Variants in UTRN observed in about 807,000 individuals in gnomAD.
UTRN encodes dystrophin-related protein 1.
Under a neutral mutation model 463.9 loss-of-function variants are expected in UTRN, and 283 were observed. That is an observed-to-expected ratio of 0.61 (90% CI 0.55 to 0.67). UTRN has a LOEUF of 0.67. UTRN is among the 30% of genes least tolerant of loss of function. UTRN has a pLI of 0.00. For synonymous variants in UTRN, 1,442 were observed against 1,431.5 expected (o/e 1.01, Z -0.17); for missense variants, 3,922 against 4,084.3 (o/e 0.96, Z 1.08).
chr6:144,834,512 A>T (rs949229679), intron 69 of UTRN, among the ~76,000 whole-genome samples: 1 of 151,676 alleles, frequency 6.6e-6, no homozygotes, highest in Non-Finnish European at 1.5e-5. Flanking sequence ...GGAATTCACC[A>T]ACTGTCTGAT....
chr6:144,785,483 T>C (rs1292945133), intron 61 of UTRN, among the ~76,000 whole-genome samples: 1 of 152,228 alleles, frequency 6.6e-6, no homozygotes, highest in Admixed American at 6.5e-5. Flanking sequence ...GTTCAGTCTT[T>C]TGATAATCAT....
At position 144,839,251 on chromosome 6, in the gene UTRN, C is replaced by T; in HGVS notation, c.10144C>T (p.Pro3382Ser). Reference sequence around the variant, plus strand: ...TTCTGCACTGAGCTACTCGCTTGATCCAGATGCCTCCGGCCCACAGTTCCA... The same window carrying T: ...TTCTGCACTGAGCTACTCGCTTGATTCAGATGCCTCCGGCCCACAGTTCCA... ...QHSALSYSLD[P>S]DASGPQFHQA... is the part of the protein sequence containing the mutation. Residue 3382 changes from proline to serine, a missense_variant, in exon 72 of 75, where the codon CCA (proline) becomes TCA (serine). Coordinates refer to ENST00000367545, the MANE Select transcript of UTRN (RefSeq NM_007124.3). 2 of 1,613,940 alleles carry T rather than the reference C, an allele frequency of 1.2e-6. No individual in the cohort carries two copies. Among genetic ancestry groups the T allele is most frequent in the Non-Finnish European group, 1.7e-6 (2 of 1,179,954 alleles).
Position 144,781,956 on chromosome 6 carries a change from T to G in UTRN, c.8667T>G (p.Ile2889Met). 6.2e-7 allele frequency: 1 copy of G among 1,614,014 alleles called. No homozygotes were observed. The highest frequency in any genetic ancestry group is 8.5e-7 in the Non-Finnish European group (1 of 1,179,964). Residue 2889 changes from isoleucine (I) to methionine (M), a missense_variant, in exon 61 of 75, where the codon ATT (isoleucine) becomes ATG (methionine). This residue lies in a region of UTRN where 1,309 missense variants were observed against 1,452.6 expected (regional missense o/e 0.90). Transcript: ENST00000367545. ...TAGAGTTGAGTACAACAAATGAAAT[T>G]TTCAAACAGCACAAGTTGAACCAAA... ...DLLELSTTNE[I>M]FKQHKLNQND... is the part of the protein sequence containing the mutation.
chr6:144,707,231 C>T (rs535416550), intron 53 of UTRN, among the ~76,000 whole-genome samples: 20 of 152,016 alleles, frequency 1.3e-4, no homozygotes, highest in Non-Finnish European at 2.1e-4. Flanking sequence ...ATTTTTTTCA[C>T]CCCAAGAACC....
At chr6:144,489,868 C>T (rs762241258) in intron 30 of UTRN, among the ~76,000 whole-genome samples, 1 of 152,102 alleles carries the variant, frequency 6.6e-6, no homozygotes. Flanking sequence ...GATCCACCCG[C>T]CTCGGCCTCC....
At position 144,479,188 on chromosome 6, in the gene UTRN, G is replaced by A. The variant is rs1295574995; in HGVS notation, c.3337-624G>A. Among the ~76,000 whole-genome samples the A allele has an allele frequency of 4.9e-5, 7 of 142,550 alleles. No homozygotes were observed. The South Asian group carries it at 8.8e-4, about 18-fold the overall frequency. 93.5% of individuals were successfully genotyped at this position (142,550 alleles called of 152,430 possible). A position where few individuals can be genotyped will look rare whatever the true frequency, so the allele number is the denominator to read the frequency against. ...GGTTAGAGTGCAGTGGTGCGATCTC[G>A]GCTCACTGCAACCTCTGCCACCCAG... On this transcript the variant is annotated intron_variant, in intron 25 of 74. Coordinates refer to ENST00000367545, the MANE Select transcript of UTRN (RefSeq NM_007124.3).
rs1562950456 is a variant in UTRN at position 144,820,957 on chromosome 6, A to G, written c.9433A>G (p.Lys3145Glu). The change falls in exon 66 of 75, where the codon AAA becomes GAA. Residue 3145 changes from lysine to glutamate, a missense_variant. This residue lies in a region of UTRN where 1,309 missense variants were observed against 1,452.6 expected (regional missense o/e 0.90). Coordinates refer to ENST00000367545, the MANE Select transcript of UTRN (RefSeq NM_007124.3). ...GTTCAGGTCGAAGAAGTACTTTGCC[A>G]AACACCCTCGACTTGGTTACCTGCC... ...NKFRSKKYFAKHPRLGYLPVQ... is the reference protein window; with the variant it reads ...NKFRSKKYFAEHPRLGYLPVQ... The G allele has an allele frequency of 1.9e-6, 3 of 1,613,950 alleles. No homozygotes were observed. The highest frequency in any genetic ancestry group is 2.5e-6 in the Non-Finnish European group (3 of 1,179,878).
At chr6:144,525,920 A>T (rs1048096764) in intron 41 of UTRN, among the ~76,000 whole-genome samples, 2 of 152,130 alleles carry the variant, frequency 1.3e-5, no homozygotes, top group African/African-American at 2.4e-5. Flanking sequence ...TTAAATTTCC[A>T]TCTTGATTTC....
At chr6:144,761,349 C>G (rs1792648705) in intron 58 of UTRN, among the ~76,000 whole-genome samples, 1 of 151,966 alleles carries the variant, frequency 6.6e-6, no homozygotes, top group African/African-American at 2.4e-5. Flanking sequence ...TCATTGTATT[C>G]AGGGTTTAAG....
At chr6:144,503,971 A>G (rs903755705) in intron 34 of UTRN, among the ~76,000 whole-genome samples, 2 of 152,082 alleles carry the variant, frequency 1.3e-5, no homozygotes, top group African/African-American at 4.8e-5. Context: ...ATCCCTTGTA[A>G]GTTGTATTCC....
At chr6:144,394,789 G>A (rs1782252333) in intron 2 of UTRN, among the ~76,000 whole-genome samples, 1 of 151,926 alleles carries the variant, frequency 6.6e-6, no homozygotes. Context: ...GTGAATTTAT[G>A]AGGAAGATCC....
intron 50 of UTRN, among the ~76,000 whole-genome samples, chr6:144,564,424 C>T (rs183417000): frequency 1.3e-5 from 2 of 152,214 alleles, no homozygotes; most frequent in Admixed American, 1.3e-4. Context: ...ATGGTAAGAG[C>T]TTGAGATGCG....
intron 25 of UTRN, among the ~76,000 whole-genome samples, chr6:144,478,978 C>T (rs1232013775): frequency 6.6e-6 from 1 of 152,118 alleles, no homozygotes; most frequent in African/African-American, 2.4e-5. Flanking sequence ...TAGTAGACAT[C>T]AAAACCAAAA....
At chr6:144,636,203 A>G (rs1235093085) in intron 51 of UTRN, among the ~76,000 whole-genome samples, 1 of 152,198 alleles carries the variant, frequency 6.6e-6, no homozygotes, top group Non-Finnish European at 1.5e-5. Flanking sequence ...ACCATGGAGT[A>G]CTATGCAGCC....
At chr6:144,399,042 A>G (rs1279139320) in intron 2 of UTRN, among the ~76,000 whole-genome samples, 1 of 152,208 alleles carries the variant, frequency 6.6e-6, no homozygotes, top group African/African-American at 2.4e-5. Flanking sequence ...TCTGAAAACT[A>G]CATTTTTAAT....
rs1554339291 is a variant in UTRN, at chr6:144,690,074, G to GTTTTTTTTTTTT, written c.7653-10002_7653-9991dup. Among the ~76,000 whole-genome samples, 30 of 31,272 alleles carry GTTTTTTTTTTTT rather than the reference G, an allele frequency of 9.6e-4. 11 individuals are homozygous for GTTTTTTTTTTTT. The highest frequency in any genetic ancestry group is 2.3e-3 in the East Asian group (1 of 444). 20.5% of individuals were successfully genotyped at this position (31,272 alleles called of 152,430 possible). A position where few individuals can be genotyped will look rare whatever the true frequency, so the allele number is the denominator to read the frequency against. On this transcript the variant is annotated intron_variant, in intron 52 of 74. Transcript: ENST00000367545. ...GGCCATAGAGCTCCCAAAAGTTTCT[G>GTTTTTTTTTTTT]TTTTTTTTTTTTTTTTTTTTTTGTG...
chr6:144,492,534 C>A (rs950641482), intron 32 of UTRN, among the ~76,000 whole-genome samples: 1 of 152,054 alleles, frequency 6.6e-6, no homozygotes, highest in Non-Finnish European at 1.5e-5. Context: ...ACTTATATAC[C>A]CAGTAATAGG....
rs141854350 is a variant in UTRN, at chr6:144,835,375, AC to A, written c.9666-404del. Among the ~76,000 whole-genome samples the A allele has an allele frequency of 2.6e-3, 391 of 152,384 alleles. 1 individual carries two copies. Among genetic ancestry groups the A allele is most frequent in the African/African-American group, 8.8e-3 (367 of 41,596 alleles). ...ATGGGTTACAAAGCATTTCAAAGTT[AC>A]TTTCAACGAAATTCTAAAGACAGTG... On this transcript the variant is annotated intron_variant, in intron 69 of 74. Coordinates refer to ENST00000367545, the MANE Select transcript of UTRN (RefSeq NM_007124.3).
intron 13 of UTRN, among the ~76,000 whole-genome samples, chr6:144,441,845 C>T (rs1787199641): frequency 6.6e-6 from 1 of 152,172 alleles, no homozygotes; most frequent in African/African-American, 2.4e-5. Context: ...TTCTGTGTAC[C>T]CGCAGGCTCA....
Sources: gnomAD v4.1 joint callset for allele counts (sites outside exome capture counted in the v4.1 genomes callset) on GRCh38, gnomAD v4.1.1 for gene constraint, gnomAD v4.1.1 regional missense constraint, MANE v1.5 for transcripts, NCBI Gene and HGNC (gene_info 2026-07-23, HGNC 2026-07-21) for gene names.